The following ROBO3 variants were observed in gnomAD, a reference collection of about 807,000 sequenced individuals.
The protein encoded by ROBO3 is roundabout guidance receptor 3.
ROBO3 carries 97 observed loss-of-function variants against 160.5 expected under a neutral mutation model. The observed-to-expected ratio is 0.60, with a 90% CI of 0.51 to 0.72. ROBO3 has a LOEUF of 0.72. ROBO3 is among the 30% of genes least tolerant of loss of function. The pLI, the probability that ROBO3 is intolerant of heterozygous loss-of-function variation, is 0.00. For missense variants in ROBO3, 1,858 were observed against 1,846.5 expected (o/e 1.01, Z -0.11); for synonymous variants, 780 against 746.2 (o/e 1.05, Z -0.74).
rs1946578179 is a variant in ROBO3, at chr11:124,881,313, C to G, written c.*63C>G. On this transcript the variant is annotated 3_prime_UTR_variant, in exon 28 of 28. Coordinates refer to ENST00000397801, the MANE Select transcript of ROBO3 (RefSeq NM_022370.4). ...GGGAAGGGGAGTAGGGATGTCTTTTCCCCCCCAGCAGTGATGAGTGGGGCT... is the reference window on the plus strand; with the variant it reads ...GGGAAGGGGAGTAGGGATGTCTTTTGCCCCCCAGCAGTGATGAGTGGGGCT... 4.0e-6 allele frequency: 6 copies of G among 1,516,122 alleles called. No homozygotes were observed. The highest frequency in any genetic ancestry group is 5.4e-6 in the Non-Finnish European group (6 of 1,109,154). 93.9% of individuals were successfully genotyped at this position (1,516,122 alleles called of 1,614,324 possible). A position where few individuals can be genotyped will look rare whatever the true frequency, so the allele number is the denominator to read the frequency against.
At chr11:124,868,777 G>C in intron 1 of ROBO3, 25 bp from the exon 2 acceptor site, 2 of 1,587,014 alleles carry the variant, frequency 1.3e-6, no homozygotes, top group Non-Finnish European at 8.6e-7. Flanking sequence ...CTGTCTGAAC[G>C]CTCTGCGCCA....
At position 124,876,223 on chromosome 11, in the gene ROBO3, C is replaced by A; in HGVS notation, c.2594-52C>A. The A allele has an allele frequency of 6.7e-7, 1 of 1,502,820 alleles. No individual in the cohort carries two copies. The highest frequency in any genetic ancestry group is 1.3e-5 in the South Asian group (1 of 74,588). The allele number at this position is 1,502,820 out of a possible 1,614,324, so 93.1% of individuals were successfully genotyped here. A position where few individuals can be genotyped will look rare whatever the true frequency, so the allele number is the denominator to read the frequency against. Reference sequence around the variant, plus strand: ...CTGCCGGGTCGGGAATGACCCTTTCCCAGTTCCAGGGTTTCGGGCCCCTCC... The same window carrying A: ...CTGCCGGGTCGGGAATGACCCTTTCACAGTTCCAGGGTTTCGGGCCCCTCC... On this transcript the variant is annotated intron_variant, in intron 16 of 27. Transcript: ENST00000397801. This position sits in a 1 kb window ranked among gnomAD's most constrained non-coding sequence, Gnocchi z 5.3.
In ROBO3 at chr11:124,878,760, C is replaced by T; in HGVS notation, c.3497C>T (p.Pro1166Leu). ...CCCTCACCTCCTGACCCTCCCCAGC[C>T]CCCAACTGACATGCCCCATCTCCAT... The part of the protein sequence containing the change: ...LTPSPPDPPQ[P>L]PTDMPHLHQM... Residue 1166 changes from proline (P) to leucine (L), a missense_variant, in exon 23 of 28, where the codon CCC becomes CTC. Coordinates refer to ENST00000397801, the MANE Select transcript of ROBO3 (RefSeq NM_022370.4). The surrounding 1 kb of genome is among the most constrained non-coding windows in gnomAD (Gnocchi z 4.3). The T allele has an allele frequency of 6.2e-7, 1 of 1,613,674 alleles. No individual in the cohort carries two copies. The highest frequency in any genetic ancestry group is 8.5e-7 in the Non-Finnish European group (1 of 1,179,848).
rs1180904119 is a variant in ROBO3 at position 124,877,518 on chromosome 11, G to A, written c.2847-1G>A. The A allele has an allele frequency of 6.2e-7, 1 of 1,600,752 alleles. No homozygotes were observed. The highest frequency in any genetic ancestry group is 1.3e-5 in the African/African-American group (1 of 74,516). ...CCCAACGCTCACCTGCTCTCCCTCA[G>A]GCCACCCATGGGCCTTGGCCCCGCC... On this transcript the variant is annotated splice_acceptor_variant, in intron 19 of 27. Coordinates refer to ENST00000397801, the MANE Select transcript of ROBO3 (RefSeq NM_022370.4). LOFTEE classifies it high-confidence loss of function.
chr11:124,870,361 C>G lies in ROBO3; in HGVS notation c.905+58C>G, dbSNP rs1383567760. The G allele has an allele frequency of 9.6e-6, 15 of 1,563,588 alleles. No individual in the cohort carries two copies. The Admixed American group carries it at 1.9e-4, about 20-fold the overall frequency. ...CAACCTGATCAAGAGACTATTCTGC[C>G]CTAGAAAACCGGAAGACAGGCACAT... On this transcript the variant is annotated intron_variant, in intron 5 of 27. Transcript: ENST00000397801.
At chr11:124,877,379 G>T in intron 19 of ROBO3, 70 bp downstream of exon 19, 2 of 1,600,238 alleles carry the variant, frequency 1.2e-6, no homozygotes, top group African/African-American at 1.3e-5. Flanking sequence ...CCCCGCTGAC[G>T]CCCCAGGTGG....
chr11:124,880,431 C>T lies in ROBO3; in HGVS notation c.3972C>T (p.Leu1324=). ...CTTGTGCTGCAGAAGAGGCCTGGCTCCCATACAGCAGACCAAGCTTCCTGT... is the reference window on the plus strand; with the variant it reads ...CTTGTGCTGCAGAAGAGGCCTGGCTTCCATACAGCAGACCAAGCTTCCTGT... The part of the protein sequence containing the change: ...RVLHPDEEAW[L]PYSRPSFLSR... The change falls in exon 27 of 28, where the codon CTC becomes CTT. Residue 1324 remains leucine, a synonymous_variant. Transcript: ENST00000397801. The T allele has an allele frequency of 6.2e-7, 1 of 1,613,274 alleles. No individual in the cohort carries two copies. The highest frequency in any genetic ancestry group is 8.5e-7 in the Non-Finnish European group (1 of 1,179,630).
intron 5 of ROBO3, 88 bp downstream of exon 5, chr11:124,870,391 A>C: frequency 1.3e-6 from 2 of 1,514,416 alleles, no homozygotes; most frequent in Non-Finnish European, 1.8e-6. Flanking sequence ...GCACATTCTC[A>C]CTTGAGAACA....
chr11:124,878,969 T>C lies in ROBO3; in HGVS notation c.3533+173T>C. ...CAGGAATATGGAGGCTGACAAGATC[T>C]CTCATGCCCATTAGACTGGCTCTTG... On this transcript the variant is annotated intron_variant, in intron 23 of 27. Coordinates refer to ENST00000397801, the MANE Select transcript of ROBO3 (RefSeq NM_022370.4). This position sits in a 1 kb window ranked among gnomAD's most constrained non-coding sequence, Gnocchi z 4.3. 1 of 758,026 alleles carries C rather than the reference T, an allele frequency of 1.3e-6. No individual in the cohort carries two copies. Among genetic ancestry groups the C allele is most frequent in the Non-Finnish European group, 2.1e-6 (1 of 470,592 alleles). The allele number at this position is 758,026 out of a possible 1,614,324, so 47.0% of individuals were successfully genotyped here.
At chr11:124,870,763 A>T (rs1325207567) in intron 6 of ROBO3, 35 bp downstream of exon 6, 1 of 1,603,136 alleles carries the variant, frequency 6.2e-7, no homozygotes. Context: ...TGCAGCAGGA[A>T]TGGTAGGAGG....
At position 124,869,429 on chromosome 11, in the gene ROBO3, G is replaced by GCCCCCCCCCCCCCCCCCCCCCCCCCC; in HGVS notation, c.488-15_488-14insCCCCCCCCCCCCCCCCCCCCCCCCCC. ...TGTCACTCTACACCCTGCTTATTTC[G>GCCCCCCCCCCCCCCCCCCCCCCCCCC]CCCCCCACCGCCCCGCCCAGTCCTC... is the stretch of plus-strand genomic sequence containing the variant. On this transcript the variant is annotated intron_variant, in intron 2 of 27. Transcript: ENST00000397801. This position sits in a 1 kb window ranked among gnomAD's most constrained non-coding sequence, Gnocchi z 4.2. The GCCCCCCCCCCCCCCCCCCCCCCCCCC allele has an allele frequency of 7.7e-7, 1 of 1,295,764 alleles. No individual in the cohort carries two copies. The highest frequency in any genetic ancestry group is 1.1e-6 in the Non-Finnish European group (1 of 929,942). 80.3% of individuals were successfully genotyped at this position (1,295,764 alleles called of 1,614,324 possible).
chr11:124,866,443 A>C (rs1038336994), intron 1 of ROBO3, among the ~76,000 whole-genome samples: 2 of 152,132 alleles, frequency 1.3e-5, no homozygotes, highest in African/African-American at 2.4e-5. Flanking sequence ...GCCTGCGGAG[A>C]GGCCGGAGCG....
chr11:124,870,227 T>C lies in ROBO3; in HGVS notation c.829T>C (p.Phe277Leu), dbSNP rs1414658455. ...QVVLADAPVT[F>L]LCEVKGDPPP... ...GGTCCTGGCTGATGCCCCTGTGACT[T>C]TCCTATGTGAGGTGAAGGGGGATCC... Residue 277 changes from phenylalanine to leucine, a missense_variant, in exon 5 of 28, where the codon TTC becomes CTC. By Grantham distance (22) the Phe-to-Leu change is conservative. Transcript: ENST00000397801. 1.2e-6 allele frequency: 2 copies of C among 1,614,054 alleles called. No homozygotes were observed. Among genetic ancestry groups the C allele is most frequent in the African/African-American group, 2.7e-5 (2 of 75,066 alleles).
intron 24 of ROBO3, 24 bp downstream of exon 24, chr11:124,879,365 G>C: frequency 6.2e-7 from 1 of 1,606,338 alleles, no homozygotes; most frequent in Non-Finnish European, 8.5e-7. Context: ...ACCTCCTTTT[G>C]CCCCCCGGCT....
chr11:124,872,812 G>C lies in ROBO3; in HGVS notation c.1331-72G>C. The C allele has an allele frequency of 1.5e-6, 2 of 1,297,916 alleles. No individual in the cohort carries two copies. Among genetic ancestry groups the C allele is most frequent in the Non-Finnish European group, 2.1e-6 (2 of 958,876 alleles). 80.4% of individuals were successfully genotyped at this position (1,297,916 alleles called of 1,614,324 possible). A position where few individuals can be genotyped will look rare whatever the true frequency, so the allele number is the denominator to read the frequency against. On this transcript the variant is annotated intron_variant, in intron 8 of 27. Coordinates refer to ENST00000397801, the MANE Select transcript of ROBO3 (RefSeq NM_022370.4). This position sits in a 1 kb window ranked among gnomAD's most constrained non-coding sequence, Gnocchi z 4.3. ...GGGGTAGGGAGGGTGAAGGAGCAGAGAATGAGGACAAGGGGCTGCCCGCGG... is the reference window on the plus strand; with the variant it reads ...GGGGTAGGGAGGGTGAAGGAGCAGACAATGAGGACAAGGGGCTGCCCGCGG...
At chr11:124,879,126 A>G (rs2135345861) in intron 23 of ROBO3, 64 bp from the exon 24 acceptor site, 1 of 1,506,112 alleles carries the variant, frequency 6.6e-7, no homozygotes. Context: ...GCACAGTGCC[A>G]GGCACATAGT....
chr11:124,870,876 C>G (rs1946272230), intron 6 of ROBO3, 138 bp from the exon 7 acceptor site: 2 of 1,515,778 alleles, frequency 1.3e-6, no homozygotes, highest in African/African-American at 2.7e-5. Flanking sequence ...GAGGAGAACA[C>G]TAAACAGGCC....
At position 124,865,718 on chromosome 11, in the gene ROBO3, CG is replaced by C; in HGVS notation, c.143del (p.Gly48AlafsTer10). 1.2e-6 allele frequency: 2 copies of C among 1,609,642 alleles called. No individual in the cohort carries two copies. Among genetic ancestry groups the C allele is most frequent in the Non-Finnish European group, 1.7e-6 (2 of 1,178,616 alleles). ...AALNHTLLPPGDPSLNGSRVG... is the reference protein window; with the variant it reads ...AALNHTLLPPXDPSLNGSRVG... ...CGCTCAACCACACCCTGCTGCCTCC[CG>C]GCGATCCCTCTCTCAACGGTGAGAC... On this transcript the variant is annotated frameshift_variant, in exon 1 of 28. Coordinates refer to ENST00000397801, the MANE Select transcript of ROBO3 (RefSeq NM_022370.4). LOFTEE classifies it high-confidence loss of function. This position sits in a 1 kb window ranked among gnomAD's most constrained non-coding sequence, Gnocchi z 5.5.
At chr11:124,875,536 C>CT (rs1429835096) in intron 14 of ROBO3, 28 bp from the exon 15 acceptor site, 1 of 1,610,070 alleles carries the variant, frequency 6.2e-7, no homozygotes, top group Admixed American at 1.7e-5. Flanking sequence ...TATTTGTGTC[C>CT]TTCTCACCAT....
Sources: gnomAD v4.1 joint callset for allele counts (sites outside exome capture counted in the v4.1 genomes callset) on GRCh38, gnomAD v4.1.1 for gene constraint, Gnocchi (gnomAD v3.1) non-coding constraint, MANE v1.5 for transcripts, NCBI Gene and HGNC (gene_info 2026-07-23, HGNC 2026-07-21) for gene names.